Variants in KIFAP3 observed in about 807,000 individuals in gnomAD.
KIFAP3 encodes the protein kinesin associated protein 3, also known as kinesin-associated protein 3.
Under a neutral mutation model 106.5 loss-of-function variants are expected in KIFAP3, and 68 were observed. That is an observed-to-expected ratio of 0.64 (90% CI 0.53 to 0.78). The LOEUF is 0.78. Ranked by LOEUF, KIFAP3 falls within the 30% of genes least tolerant of loss-of-function variation. The pLI, the probability that KIFAP3 is intolerant of heterozygous loss-of-function variation, is 0.00. For synonymous variants in KIFAP3, 320 were observed against 311.5 expected (o/e 1.03, Z -0.29); for missense variants, 780 against 941.8 (o/e 0.83, Z 2.25).
chr1:169,928,920 A>G (rs1293377885), intron 19 of KIFAP3, among the ~76,000 whole-genome samples: 1 of 152,058 alleles, frequency 6.6e-6, no homozygotes, highest in Non-Finnish European at 1.5e-5. Context: ...GCTTGCCCCT[A>G]TCTTCTACAG....
chr1:170,038,960 G>A lies in KIFAP3; in HGVS notation c.375+273C>T, dbSNP rs200583705. Among the ~76,000 whole-genome samples, 23 of 152,254 alleles carry A rather than the reference G, an allele frequency of 1.5e-4. No individual in the cohort carries two copies. In the East Asian group the frequency reaches 4.3e-3, roughly 28 times the overall value. ...TAGCTGGGCGTGGTGGCACATGCCTGTAATCCCAGCTACTCAGGAGGCTGA... is the reference window on the plus strand; with the variant it reads ...TAGCTGGGCGTGGTGGCACATGCCTATAATCCCAGCTACTCAGGAGGCTGA... On this transcript the variant is annotated intron_variant, in intron 4 of 19. Coordinates refer to ENST00000361580, the MANE Select transcript of KIFAP3 (RefSeq NM_014970.4).
upstream of KIFAP3, among the ~76,000 whole-genome samples, chr1:170,078,271 C>G (rs1330118905): frequency 6.6e-6 from 1 of 151,936 alleles, no homozygotes; most frequent in Non-Finnish European, 1.5e-5. Flanking sequence ...GCAGGGCTAT[C>G]TCACTTGATT....
chr1:170,055,328 TC>T lies in KIFAP3; in HGVS notation c.140del (p.Gly47GlufsTer21), dbSNP rs1670786928. 6.2e-7 allele frequency: 1 copy of T among 1,601,536 alleles called. No individual in the cohort carries two copies. Among genetic ancestry groups the T allele is most frequent in the Non-Finnish European group, 8.5e-7 (1 of 1,176,792 alleles). On this transcript the variant is annotated frameshift_variant, in exon 2 of 20. Coordinates refer to ENST00000361580, the MANE Select transcript of KIFAP3 (RefSeq NM_014970.4). LOFTEE classifies it high-confidence loss of function. ...ILGEMGDPML[G>X]ERKECQKIIR... The stretch of plus-strand genomic sequence containing the variant: ...ACATTTTTTGACATTCTTTTCGTTC[TC>T]CCAACATGGGGTCCCCCATTTCTCC...
intron 3 of KIFAP3, among the ~76,000 whole-genome samples, chr1:170,039,903 T>C (rs557835578): frequency 6.6e-6 from 1 of 152,278 alleles, no homozygotes; most frequent in East Asian, 1.9e-4. Flanking sequence ...CATTCGTTTA[T>C]ATTGAATTAT....
Position 170,049,864 on chromosome 1 carries a change from T to C in KIFAP3, c.165-2998A>G, listed in dbSNP as rs545800022. Among the ~76,000 whole-genome samples, 176 of 145,404 alleles carry C rather than the reference T, an allele frequency of 1.2e-3. 1 individual carries two copies. The highest frequency in any genetic ancestry group is 1.8e-3 in the Non-Finnish European group (121 of 66,146). Reference sequence around the variant, plus strand: ...GTCATCAGCCTCAAAGATCAAAGGATAAATCCATGAAAATGAGAAAAAAAC... The same window carrying C: ...GTCATCAGCCTCAAAGATCAAAGGACAAATCCATGAAAATGAGAAAAAAAC... On this transcript the variant is annotated intron_variant, in intron 2 of 19. Coordinates refer to ENST00000361580, the MANE Select transcript of KIFAP3 (RefSeq NM_014970.4).
At chr1:170,049,888 A>G (rs1342193797) in intron 2 of KIFAP3, among the ~76,000 whole-genome samples, 4 of 152,168 alleles carry the variant, frequency 2.6e-5, no homozygotes, top group Non-Finnish European at 4.4e-5. Context: ...TGAGAAAAAA[A>G]CCAGCGCAAA....
chr1:170,076,429 A>C (rs1416701736), upstream of KIFAP3, among the ~76,000 whole-genome samples: 1 of 152,212 alleles, frequency 6.6e-6, no homozygotes, highest in East Asian at 1.9e-4. Flanking sequence ...TTATGTAAAA[A>C]GGACACTGGT....
chr1:169,952,423 CATAT>C (rs112453192), intron 19 of KIFAP3, among the ~76,000 whole-genome samples: 1 of 151,702 alleles, frequency 6.6e-6, no homozygotes, highest in Admixed American at 6.6e-5. Context: ...TTGTTTTACA[CATAT>C]ATATAGGTAG....
intron 1 of KIFAP3, among the ~76,000 whole-genome samples, chr1:170,080,983 A>G (rs1054113708): frequency 1.3e-5 from 2 of 152,156 alleles, no homozygotes; most frequent in Admixed American, 6.5e-5. Context: ...TCCTTTATGT[A>G]CATTTAGAAC....
intron 2 of KIFAP3, among the ~76,000 whole-genome samples, chr1:170,048,533 C>T (rs1272878764): frequency 1.3e-5 from 2 of 151,780 alleles, no homozygotes; most frequent in East Asian, 3.9e-4. Flanking sequence ...TATCTAGAGG[C>T]ATAAGGAGGG....
intron 10 of KIFAP3, among the ~76,000 whole-genome samples, chr1:169,993,690 C>A: frequency 1.3e-5 from 2 of 151,122 alleles, no homozygotes; most frequent in South Asian, 2.1e-4. Flanking sequence ...CACTGAACGC[C>A]AGCCTGGCCA....
At chr1:170,037,755 A>C (rs1315201766) in intron 5 of KIFAP3, among the ~76,000 whole-genome samples, 1 of 152,176 alleles carries the variant, frequency 6.6e-6, no homozygotes, top group Non-Finnish European at 1.5e-5. Flanking sequence ...TGGGCAACAG[A>C]GGGAGACCCT....
chr1:169,936,984 C>T (rs1307832106), intron 19 of KIFAP3, among the ~76,000 whole-genome samples: 1 of 146,152 alleles, frequency 6.8e-6, no homozygotes, highest in Non-Finnish European at 1.5e-5. Context: ...TATTACTCAA[C>T]ATATTGGAGT....
chr1:170,023,568 T>C (rs1313242480), intron 9 of KIFAP3, among the ~76,000 whole-genome samples: 1 of 152,030 alleles, frequency 6.6e-6, no homozygotes, highest in East Asian at 2.0e-4. Flanking sequence ...TGTACAAATA[T>C]GTGCAGTGAA....
intron 2 of KIFAP3, among the ~76,000 whole-genome samples, chr1:170,049,662 T>C (rs1161659738): frequency 6.6e-6 from 1 of 152,170 alleles, no homozygotes; most frequent in Non-Finnish European, 1.5e-5. Context: ...TCTTTGCTGT[T>C]CAGCAGCTTC....
At chr1:169,998,446 CTTT>C (rs796297609) in intron 10 of KIFAP3, among the ~76,000 whole-genome samples, 4 of 145,774 alleles carry the variant, frequency 2.7e-5, no homozygotes, top group East Asian at 2.0e-4. Context: ...ACCACACACA[CTTT>C]TTTTTTTTCT....
chr1:170,002,619 A>G (rs1667719123), intron 10 of KIFAP3, among the ~76,000 whole-genome samples: 1 of 152,210 alleles, frequency 6.6e-6, no homozygotes, highest in African/African-American at 2.4e-5. Flanking sequence ...TGATGGCTCA[A>G]ACCTTCATAC....
chr1:170,055,968 C>T (rs1280143425), intron 1 of KIFAP3, among the ~76,000 whole-genome samples: 1 of 151,934 alleles, frequency 6.6e-6, no homozygotes, highest in Admixed American at 6.6e-5. Flanking sequence ...TCTGTTTCTA[C>T]AAAAAATTTA....
intron 10 of KIFAP3, among the ~76,000 whole-genome samples, chr1:170,008,141 C>T (rs1029480881): frequency 4.0e-5 from 6 of 151,610 alleles, no homozygotes; most frequent in African/African-American, 4.9e-5. Context: ...AAGACTTAAA[C>T]GTAAGACCTA....
Sources: gnomAD v4.1 joint callset for allele counts (sites outside exome capture counted in the v4.1 genomes callset) on GRCh38, gnomAD v4.1.1 for gene constraint, MANE v1.5 for transcripts, NCBI Gene and HGNC (gene_info 2026-07-23, HGNC 2026-07-21) for gene names.